The following EPHB1 variants were observed in gnomAD, a reference collection of about 807,000 sequenced individuals.
The protein encoded by EPHB1 is EPH receptor B1.
In EPHB1, 30 loss-of-function variants were observed where a neutral mutation model predicts 94.4. The ratio of observed to expected loss-of-function variants is 0.32; its 90% confidence interval spans 0.24 to 0.43. The LOEUF (loss-of-function observed/expected upper bound fraction) is 0.43. EPHB1 is among the 20% of genes least tolerant of loss of function. The probability of loss-of-function intolerance (pLI) is 1.00; values close to 1 mark genes in which losing one functional copy is unlikely to be tolerated. For missense variants in EPHB1, 1,055 were observed against 1,308.3 expected (o/e 0.81, Z 2.99); for synonymous variants, 522 against 489.1 (o/e 1.07, Z -0.89).
chr3:134,865,526 AT>A (rs1411428814), intron 1 of EPHB1, among the ~76,000 whole-genome samples: 1 of 152,192 alleles, frequency 6.6e-6, no homozygotes, highest in East Asian at 1.9e-4. Flanking sequence ...ACAAAATTAT[AT>A]TCAAGATAAT....
chr3:135,096,826 A>G (rs954714975), intron 3 of EPHB1, among the ~76,000 whole-genome samples: 3 of 152,204 alleles, frequency 2.0e-5, no homozygotes, highest in East Asian at 1.9e-4. Context: ...GGCCAGGCAC[A>G]ATGGCTCATG....
At chr3:135,050,912 TTGTGTG>T (rs61632320) in intron 3 of EPHB1, among the ~76,000 whole-genome samples, 5,208 of 147,912 alleles carry the variant, frequency 0.035, 110 homozygotes, top group Non-Finnish European at 0.045. Context: ...TAAACACCCT[TTGTGTG>T]TGTGTGTGTG....
chr3:135,086,495 T>C (rs987884071), intron 3 of EPHB1, among the ~76,000 whole-genome samples: 1 of 151,542 alleles, frequency 6.6e-6, no homozygotes, highest in African/African-American at 2.4e-5. Flanking sequence ...TGGTGATGGG[T>C]ATATGACAAT....
chr3:135,219,505 C>T (rs1364653929), intron 12 of EPHB1, among the ~76,000 whole-genome samples: 1 of 151,822 alleles, frequency 6.6e-6, no homozygotes. Flanking sequence ...CTGGCAAACA[C>T]CAGAAACTAG....
At chr3:135,241,332 C>G (rs778834742) in intron 13 of EPHB1, 35 bp downstream of exon 13, 1 of 1,611,972 alleles carries the variant, frequency 6.2e-7, no homozygotes, top group African/African-American at 1.3e-5. Context: ...CCACAAACCC[C>G]CATTGAAGGG....
intron 13 of EPHB1, among the ~76,000 whole-genome samples, chr3:135,245,664 G>A (rs1943902857): frequency 6.6e-6 from 1 of 151,798 alleles, no homozygotes; most frequent in Admixed American, 6.6e-5. Flanking sequence ...AAGTTTGCAG[G>A]GCATAATGGT....
chr3:134,841,466 G>T (rs62272433), intron 1 of EPHB1: 18,979 of 152,224 alleles, frequency 0.12, 1,349 homozygotes, highest in South Asian at 0.34. Context: ...CAGGTATTTT[G>T]CTTTCTAGGG....
At chr3:134,842,321 A>G (rs2108296893) in intron 1 of EPHB1, among the ~76,000 whole-genome samples, 1 of 152,278 alleles carries the variant, frequency 6.6e-6, no homozygotes, top group South Asian at 2.1e-4. Flanking sequence ...ATTCTATAGT[A>G]TTTTGTTATA....
intron 3 of EPHB1, among the ~76,000 whole-genome samples, chr3:135,076,524 A>G (rs1937927767): frequency 6.6e-6 from 1 of 152,168 alleles, no homozygotes; most frequent in Non-Finnish European, 1.5e-5. Context: ...GCTGCTTTGG[A>G]AAACAGTTTG....
intron 3 of EPHB1, among the ~76,000 whole-genome samples, chr3:135,101,190 C>G (rs1012329254): frequency 1.3e-5 from 2 of 152,168 alleles, no homozygotes; most frequent in Non-Finnish European, 2.9e-5. Flanking sequence ...TTCTACCCAC[C>G]TCCTGGAAAT....
intron 1 of EPHB1, among the ~76,000 whole-genome samples, chr3:134,825,640 T>G (rs1458703550): frequency 6.6e-6 from 1 of 152,196 alleles, no homozygotes; most frequent in Non-Finnish European, 1.5e-5. Context: ...CATGATCTTG[T>G]GTCCTAGGGA....
chr3:135,064,000 T>C (rs556203816), intron 3 of EPHB1, among the ~76,000 whole-genome samples: 1 of 152,242 alleles, frequency 6.6e-6, no homozygotes, highest in Non-Finnish European at 1.5e-5. Context: ...TTACATTTAT[T>C]GACTTGTGTA....
At chr3:135,195,293 A>AC (rs1408613795) in intron 11 of EPHB1, among the ~76,000 whole-genome samples, 5 of 150,894 alleles carry the variant, frequency 3.3e-5, no homozygotes, top group African/African-American at 1.2e-4. Context: ...GAAAATCAAA[A>AC]CCCCACACTG....
At chr3:135,047,227 G>C (rs1937023444) in intron 3 of EPHB1, among the ~76,000 whole-genome samples, 1 of 152,218 alleles carries the variant, frequency 6.6e-6, no homozygotes, top group Non-Finnish European at 1.5e-5. Flanking sequence ...AGCTTACAGA[G>C]AGGTCAAGAG....
chr3:134,909,049 C>T (rs979868321), intron 1 of EPHB1, among the ~76,000 whole-genome samples: 11 of 138,120 alleles, frequency 8.0e-5, no homozygotes, highest in South Asian at 6.8e-4. Context: ...GATCAGACCC[C>T]GTGGAGCATA....
chr3:134,943,699 C>A (rs1272489206), intron 2 of EPHB1, among the ~76,000 whole-genome samples: 1 of 152,118 alleles, frequency 6.6e-6, no homozygotes, highest in Non-Finnish European at 1.5e-5. Flanking sequence ...GCCTCCTAGC[C>A]CCTCTAGATG....
At chr3:134,881,177 C>T (rs1221729335) in intron 1 of EPHB1, among the ~76,000 whole-genome samples, 1 of 151,976 alleles carries the variant, frequency 6.6e-6, no homozygotes, top group Non-Finnish European at 1.5e-5. Flanking sequence ...GGCCCAGAGC[C>T]CTTGTATGCT....
chr3:134,897,960 C>T (rs996568051), intron 1 of EPHB1, among the ~76,000 whole-genome samples: 3 of 152,198 alleles, frequency 2.0e-5, no homozygotes, highest in Non-Finnish European at 2.9e-5. Flanking sequence ...GTAGCACCCC[C>T]CTGTGTTTCA....
intron 1 of EPHB1, among the ~76,000 whole-genome samples, chr3:134,885,557 C>T (rs1185387612): frequency 6.6e-6 from 1 of 152,200 alleles, no homozygotes; most frequent in African/African-American, 2.4e-5. Context: ...CAAGAGGCAA[C>T]AGTCAGATAG....
Sources: allele counts gnomAD v4.1 joint callset (sites outside exome capture counted in the v4.1 genomes callset), GRCh38; gene constraint gnomAD v4.1.1; transcripts MANE v1.5; gene names NCBI Gene and HGNC (gene_info 2026-07-23, HGNC 2026-07-21).